The following N4BP2 variants were observed in gnomAD, a reference collection of about 807,000 sequenced individuals.
N4BP2 encodes the protein NEDD4 binding protein 2, also known as NEDD4-binding protein 2.
Under a neutral mutation model 152.8 loss-of-function variants are expected in N4BP2, and 91 were observed. The observed-to-expected ratio is 0.60, with a 90% confidence interval of 0.50 to 0.71. The LOEUF is 0.71. N4BP2 is among the 30% of genes least tolerant of loss of function. The probability of loss-of-function intolerance (pLI) is 0.00; values close to 1 mark genes in which losing one functional copy is unlikely to be tolerated. For synonymous variants in N4BP2, 646 were observed against 705.3 expected, an observed-to-expected ratio of 0.92 and a Z score of 1.33; for missense variants, 1,923 against 2,059.1, an observed-to-expected ratio of 0.93 and a Z score of 1.28.
intron 2 of N4BP2, among the ~76,000 whole-genome samples, chr4:40,092,427 T>A (rs1466557311): frequency 6.6e-6 from 1 of 151,894 alleles, no homozygotes; most frequent in East Asian, 1.9e-4. Flanking sequence ...AACTTTTGTG[T>A]GTTCATAGTT....
intron 7 of N4BP2, among the ~76,000 whole-genome samples, chr4:40,115,105 C>T (rs1249449750): frequency 6.6e-6 from 1 of 152,064 alleles, no homozygotes; most frequent in Non-Finnish European, 1.5e-5. Flanking sequence ...ACCTTTATTG[C>T]TTTCAAAAAT....
the N4BP2 span, among the ~76,000 whole-genome samples, chr4:40,170,176 T>A: frequency 6.6e-6 from 1 of 152,094 alleles, no homozygotes; most frequent in Non-Finnish European, 1.5e-5. Context: ...AAACATAAAT[T>A]TCAAGATATA....
rs1579104598 is a variant in N4BP2, at chr4:40,132,640, G to A, written c.4646+721G>A. Among the ~76,000 whole-genome samples the A allele has an allele frequency of 2.6e-5, 4 of 152,164 alleles. No homozygotes were observed. The South Asian group carries it at 8.3e-4, about 32-fold the overall frequency. On this transcript the variant is annotated intron_variant, in intron 13 of 17. Coordinates refer to ENST00000261435, the MANE Select transcript of N4BP2 (RefSeq NM_018177.6). ...TTGTAGTGTTATGTTAGGTATATCAGGAATGCTCTGGTTTGAAAAATACAT... is the reference window on the plus strand; with the variant it reads ...TTGTAGTGTTATGTTAGGTATATCAAGAATGCTCTGGTTTGAAAAATACAT...
chr4:40,103,623 A>T (rs1377602484), intron 4 of N4BP2, among the ~76,000 whole-genome samples: 1 of 152,216 alleles, frequency 6.6e-6, no homozygotes, highest in African/African-American at 2.4e-5. Flanking sequence ...ATTCAGGATT[A>T]TAGAGTGTTG....
chr4:40,146,910 T>C (rs1187681204), intron 16 of N4BP2, among the ~76,000 whole-genome samples: 1 of 151,332 alleles, frequency 6.6e-6, no homozygotes, highest in African/African-American at 2.4e-5. Context: ...ATGTTTTTAT[T>C]TTTATTTTTT....
At chr4:40,070,903 CA>C (rs1171399630) in intron 1 of N4BP2, among the ~76,000 whole-genome samples, 1 of 151,644 alleles carries the variant, frequency 6.6e-6, no homozygotes, top group African/African-American at 2.4e-5. Context: ...TCGCTCACTG[CA>C]ACCTCCTTCT....
intron 2 of N4BP2, among the ~76,000 whole-genome samples, chr4:40,088,505 T>G (rs1402977566): frequency 6.6e-6 from 1 of 151,298 alleles, no homozygotes; most frequent in Non-Finnish European, 1.5e-5. Context: ...CATTATAGTT[T>G]TTTTTTTTTT....
At chr4:40,073,592 A>G (rs1712425072) in intron 2 of N4BP2, 41 bp downstream of exon 2, 1 of 142,210 alleles carries the variant, frequency 7.0e-6, no homozygotes, top group African/African-American at 2.5e-5. Flanking sequence ...TATTTTACAC[A>G]TAAGATTTTT....
chr4:40,138,772 T>G (rs191036844), intron 14 of N4BP2, among the ~76,000 whole-genome samples: 1 of 152,370 alleles, frequency 6.6e-6, no homozygotes, highest in Non-Finnish European at 1.5e-5. Context: ...ATGTCTGTCC[T>G]ATTGCCAGTA....
At position 40,126,311 on chromosome 4, in the gene N4BP2, TAC is replaced by T. The variant is rs750045082; in HGVS notation, c.4510_4511del (p.Gln1504GlyfsTer4). The stretch of plus-strand genomic sequence containing the variant: ...GAAATAATGTCAGAAGAAATTGCCT[TAC>T]AGGAAAAACATAATTTGGTATGAAT... On this transcript the variant is annotated frameshift_variant, in exon 12 of 18. Coordinates refer to ENST00000261435, the MANE Select transcript of N4BP2 (RefSeq NM_018177.6). LOFTEE classifies it high-confidence loss of function. 1.3e-6 allele frequency: 2 copies of T among 1,547,224 alleles called. No homozygotes were observed. The highest frequency in any genetic ancestry group is 2.8e-5 in the African/African-American group (2 of 72,070).
intron 12 of N4BP2, among the ~76,000 whole-genome samples, chr4:40,129,626 AT>A (rs1718736438): frequency 6.6e-6 from 1 of 150,988 alleles, no homozygotes; most frequent in South Asian, 2.1e-4. Flanking sequence ...GAGAAAGATA[AT>A]TTTTTTCTTT....
intron 2 of N4BP2, among the ~76,000 whole-genome samples, chr4:40,079,863 G>A (rs549041485): frequency 6.3e-4 from 96 of 152,154 alleles, no homozygotes; most frequent in African/African-American, 2.2e-3. Flanking sequence ...ATATTATGAT[G>A]ATAATCAGTG....
chr4:40,081,968 C>T (rs902168504), intron 2 of N4BP2, among the ~76,000 whole-genome samples: 3 of 148,654 alleles, frequency 2.0e-5, no homozygotes, highest in Non-Finnish European at 3.0e-5. Flanking sequence ...CAAAATTAGC[C>T]GGGTGTGGTG....
At chr4:40,077,359 GT>G (rs1249315521) in intron 2 of N4BP2, among the ~76,000 whole-genome samples, 3 of 151,830 alleles carry the variant, frequency 2.0e-5, no homozygotes, top group Non-Finnish European at 4.4e-5. Flanking sequence ...TGTTGCCCAG[GT>G]TGATCTTGAA....
At chr4:40,075,459 C>A (rs531706391) in intron 2 of N4BP2, among the ~76,000 whole-genome samples, 8 of 151,310 alleles carry the variant, frequency 5.3e-5, no homozygotes, top group Non-Finnish European at 8.9e-5. Context: ...AGTGCAGTGG[C>A]GCGATCTTAG....
In N4BP2 at chr4:40,097,286, A is replaced by T; in HGVS notation, c.-55A>T. On this transcript the variant is annotated 5_prime_UTR_variant, in exon 3 of 18. The change abolishes the stop of an existing upstream ORF in the 5' untranslated region. Transcript: ENST00000261435. ...CCCTATTTTGTTTGAATTATGACTT[A>T]AATGTCAAACATCTTAACTAAGAAA... 1.4e-6 allele frequency: 2 copies of T among 1,472,284 alleles called. No individual in the cohort carries two copies. Among genetic ancestry groups the T allele is most frequent in the Non-Finnish European group, 1.9e-6 (2 of 1,056,178 alleles). 91.2% of individuals were successfully genotyped at this position (1,472,284 alleles called of 1,614,324 possible). A position where few individuals can be genotyped will look rare whatever the true frequency, so the allele number is the denominator to read the frequency against.
intron 7 of N4BP2, among the ~76,000 whole-genome samples, chr4:40,116,226 C>G (rs986928433): frequency 3.9e-5 from 6 of 152,066 alleles, no homozygotes; most frequent in Non-Finnish European, 8.8e-5. Flanking sequence ...TTGAAATCCA[C>G]TCTGTCCACC....
intron 16 of N4BP2, among the ~76,000 whole-genome samples, chr4:40,149,587 A>T (rs1012829828): frequency 3.3e-5 from 5 of 152,146 alleles, no homozygotes; most frequent in African/African-American, 1.2e-4. Flanking sequence ...TATCTCAATT[A>T]AAAAAATTGT....
At chr4:40,094,173 T>C (rs2109946460) in intron 2 of N4BP2, among the ~76,000 whole-genome samples, 1 of 152,356 alleles carries the variant, frequency 6.6e-6, no homozygotes, top group South Asian at 2.1e-4. Flanking sequence ...ATGTTACTGA[T>C]TTCTAGTTTG....
Sources: allele counts gnomAD v4.1 joint callset (sites outside exome capture counted in the v4.1 genomes callset), GRCh38; gene constraint gnomAD v4.1.1; transcripts MANE v1.5; gene names NCBI Gene and HGNC (gene_info 2026-07-23, HGNC 2026-07-21).